PTPN14: variants seen among roughly 807,000 people sequenced by gnomAD.
PTPN14 encodes the protein protein tyrosine phosphatase non-receptor type 14.
Under a neutral mutation model 126.8 loss-of-function variants are expected in PTPN14, and 53 were observed. That is an observed-to-expected ratio of 0.42 (90% CI 0.34 to 0.53). PTPN14 has a LOEUF of 0.53. PTPN14 is among the 20% of genes least tolerant of loss of function. PTPN14 has a pLI of 0.08. For missense variants in PTPN14, 1,257 were observed against 1,552.9 expected (o/e 0.81, Z 3.20); for synonymous variants, 630 against 599.3 (o/e 1.05, Z -0.75).
intron 17 of PTPN14, among the ~76,000 whole-genome samples, chr1:214,367,159 A>G (rs1658100814): frequency 6.6e-6 from 1 of 152,146 alleles, no homozygotes; most frequent in Non-Finnish European, 1.5e-5. Context: ...TGCTTCTTGG[A>G]GAAAATTTTA....
rs561529304 is a variant in PTPN14, at chr1:214,536,684, C to T, written c.-155+14499G>A. On this transcript the variant is annotated intron_variant, in intron 1 of 18. Coordinates refer to ENST00000366956, the MANE Select transcript of PTPN14 (RefSeq NM_005401.5). ...CCTGTATTCCTAGCTACTCAGGAGGCTGAGGTAGGAAGATCTCAAGATCTT... is the reference window on the plus strand; with the variant it reads ...CCTGTATTCCTAGCTACTCAGGAGGTTGAGGTAGGAAGATCTCAAGATCTT... Among the ~76,000 whole-genome samples, 6 of 151,950 alleles carry T rather than the reference C, an allele frequency of 3.9e-5. No homozygotes were observed. In the South Asian group the frequency reaches 1.2e-3, roughly 32 times the overall value.
chr1:214,387,674 C>CAAAAAAAA (rs67415818), intron 11 of PTPN14, among the ~76,000 whole-genome samples: 2 of 85,378 alleles, frequency 2.3e-5, no homozygotes. Flanking sequence ...AAGACTCCGT[C>CAAAAAAAA]AAAAAAAAAA....
intron 1 of PTPN14, chr1:214,533,185 C>T: frequency 1.4e-6 from 1 of 733,658 alleles, no homozygotes; most frequent in South Asian, 1.5e-5. Context: ...GCAGATGGAG[C>T]AGCTCAACGA....
At chr1:214,528,308 CCAAA>C (rs779657905) in intron 1 of PTPN14, 2 of 152,006 alleles carry the variant, frequency 1.3e-5, no homozygotes, top group African/African-American at 2.4e-5. Flanking sequence ...TTTATAGTAG[CCAAA>C]CAAACACCTG....
At chr1:214,452,235 G>A (rs1660288299) in intron 2 of PTPN14, among the ~76,000 whole-genome samples, 1 of 152,222 alleles carries the variant, frequency 6.6e-6, no homozygotes, top group African/African-American at 2.4e-5. Context: ...CCCATGTGAG[G>A]TAAGGGGAGT....
intron 3 of PTPN14, among the ~76,000 whole-genome samples, chr1:214,444,863 C>G (rs550686798): frequency 6.6e-6 from 1 of 152,244 alleles, no homozygotes; most frequent in African/African-American, 2.4e-5. Context: ...AAAGGGGACC[C>G]CCATCATAGT....
At chr1:214,429,874 G>A (rs1338098521) in intron 3 of PTPN14, among the ~76,000 whole-genome samples, 1 of 152,096 alleles carries the variant, frequency 6.6e-6, no homozygotes, top group Non-Finnish European at 1.5e-5. Context: ...GAAAGAAAAG[G>A]AATTTATTTT....
chr1:214,387,399 C>A, intron 11 of PTPN14, among the ~76,000 whole-genome samples: 1 of 152,128 alleles, frequency 6.6e-6, no homozygotes. Context: ...GTAGTCCGAG[C>A]TACTCGCGAG....
chr1:214,491,224 T>G (rs1023129317), intron 1 of PTPN14, among the ~76,000 whole-genome samples: 14 of 152,126 alleles, frequency 9.2e-5, no homozygotes, highest in Non-Finnish European at 1.6e-4. Context: ...CTGGTAAAAC[T>G]CTAAACCCAA....
chr1:214,512,161 T>A (rs1654990315), intron 1 of PTPN14, among the ~76,000 whole-genome samples: 1 of 152,102 alleles, frequency 6.6e-6, no homozygotes, highest in Admixed American at 6.5e-5. Flanking sequence ...AAAGCCAGTG[T>A]TCCATCTTGC....
At chr1:214,460,011 A>G (rs1419877220) in intron 2 of PTPN14, among the ~76,000 whole-genome samples, 2 of 152,172 alleles carry the variant, frequency 1.3e-5, no homozygotes, top group Admixed American at 6.5e-5. Flanking sequence ...GCATTTTACC[A>G]TACTCCCTGC....
chr1:214,462,136 T>C (rs951303838), intron 2 of PTPN14, among the ~76,000 whole-genome samples: 5 of 152,132 alleles, frequency 3.3e-5, no homozygotes, highest in African/African-American at 9.7e-5. Flanking sequence ...AGAAAGTGAT[T>C]TGGTCGAATG....
chr1:214,478,231 T>A (rs1660906954), intron 1 of PTPN14, among the ~76,000 whole-genome samples: 1 of 152,210 alleles, frequency 6.6e-6, no homozygotes, highest in South Asian at 2.1e-4. Flanking sequence ...AACCTGAGTA[T>A]CCATAATACA....
chr1:214,459,418 G>C (rs1469851473), intron 2 of PTPN14, among the ~76,000 whole-genome samples: 8 of 150,780 alleles, frequency 5.3e-5, no homozygotes, highest in Non-Finnish European at 1.2e-4. Flanking sequence ...CTCCCAAAGT[G>C]CTGGGATTAC....
intron 1 of PTPN14, among the ~76,000 whole-genome samples, chr1:214,488,510 T>G (rs1437898517): frequency 6.6e-6 from 1 of 152,222 alleles, no homozygotes; most frequent in East Asian, 1.9e-4. Context: ...AAAACCCATG[T>G]AAAAGGAATG....
intron 3 of PTPN14, among the ~76,000 whole-genome samples, chr1:214,426,301 T>C (rs1039566844): frequency 1.3e-5 from 2 of 152,158 alleles, no homozygotes; most frequent in African/African-American, 4.8e-5. Context: ...TCATGCTTGA[T>C]ATTTTCAAGC....
intron 1 of PTPN14, among the ~76,000 whole-genome samples, chr1:214,509,348 T>C (rs1351084253): frequency 6.6e-6 from 1 of 152,252 alleles, no homozygotes; most frequent in Non-Finnish European, 1.5e-5. Flanking sequence ...ACAGCTTCTT[T>C]CCTTAAACTT....
intron 3 of PTPN14, among the ~76,000 whole-genome samples, chr1:214,430,590 TTG>T (rs1247619425): frequency 6.6e-6 from 1 of 152,156 alleles, no homozygotes; most frequent in Admixed American, 6.5e-5. Flanking sequence ...AAGGAAGAAT[TTG>T]TGTTTGGACT....
In PTPN14 at chr1:214,397,396, G is replaced by C. The variant is rs140526544; in HGVS notation, c.758+517C>G. 1.3e-3 allele frequency among the ~76,000 whole-genome samples: 199 copies of C among 152,238 alleles called. 1 individual carries two copies. Among genetic ancestry groups the C allele is most frequent in the Non-Finnish European group, 2.5e-3 (169 of 68,016 alleles). The stretch of plus-strand genomic sequence containing the variant: ...GCAAGCATACTGACATGAAATGCAG[G>C]GGGGAGATGGCTGCATCTCTACACT... On this transcript the variant is annotated intron_variant, in intron 8 of 18. Coordinates refer to ENST00000366956, the MANE Select transcript of PTPN14 (RefSeq NM_005401.5).
Sources: allele counts gnomAD v4.1 joint callset (sites outside exome capture counted in the v4.1 genomes callset), GRCh38; gene constraint gnomAD v4.1.1; transcripts MANE v1.5; gene names NCBI Gene and HGNC (gene_info 2026-07-23, HGNC 2026-07-21).